PLD5: variants seen among roughly 807,000 people sequenced by gnomAD.
The protein encoded by PLD5 is phospholipase D family member 5.
In PLD5, 36 loss-of-function variants were observed where a neutral mutation model predicts 61.1. That is an observed-to-expected ratio of 0.59 (90% CI 0.45 to 0.78). The LOEUF is 0.78. PLD5 is among the 30% of genes least tolerant of loss of function. The pLI is 0.00. For missense variants in PLD5, 515 were observed against 644.4 expected, an observed-to-expected ratio of 0.80 and a Z score of 2.17; for synonymous variants, 243 against 242.8, an observed-to-expected ratio of 1.00 and a Z score of -0.01.
chr1:242,529,941 G>A, the PLD5 span, among the ~76,000 whole-genome samples: 4,115 of 151,872 alleles, frequency 0.027, 189 homozygotes, highest in African/African-American at 0.094. Context: ...CAAACTCGGC[G>A]CACCACAACC....
chr1:242,223,378 C>A (rs1369113859), intron 4 of PLD5, among the ~76,000 whole-genome samples: 1 of 152,176 alleles, frequency 6.6e-6, no homozygotes, highest in East Asian at 1.9e-4. Flanking sequence ...TCCAGTCCTG[C>A]TGCTCAGACA....
chr1:242,428,423 G>A (rs1469621421), intron 1 of PLD5, among the ~76,000 whole-genome samples: 1 of 152,154 alleles, frequency 6.6e-6, no homozygotes, highest in Non-Finnish European at 1.5e-5. Context: ...TGTTTTACTA[G>A]GTACAGAGTT....
At chr1:242,389,112 G>A (rs1662772566) in intron 1 of PLD5, among the ~76,000 whole-genome samples, 1 of 151,492 alleles carries the variant, frequency 6.6e-6, no homozygotes, top group Non-Finnish European at 1.5e-5. Flanking sequence ...TGAAATTGAT[G>A]TCGAGGTCAC....
intron 1 of PLD5, among the ~76,000 whole-genome samples, chr1:242,394,898 T>TTATATATGATA (rs1553366817): frequency 0.015 from 1,572 of 102,480 alleles, 89 homozygotes; most frequent in African/African-American, 0.059. Flanking sequence ...ATATATATGA[T>TTATATATGATA]TATATATGAA....
intron 1 of PLD5, among the ~76,000 whole-genome samples, chr1:242,448,677 G>A (rs1666651300): frequency 6.6e-6 from 1 of 152,158 alleles, no homozygotes; most frequent in Admixed American, 6.5e-5. Flanking sequence ...AACTTCCACA[G>A]TGAATTCTAA....
chr1:242,426,391 G>C (rs142893630), intron 1 of PLD5, among the ~76,000 whole-genome samples: 7 of 150,758 alleles, frequency 4.6e-5, no homozygotes, highest in Non-Finnish European at 8.8e-5. Flanking sequence ...AATACATAAA[G>C]CAGCAACATC....
chr1:242,320,042 G>A (rs1412059076), intron 2 of PLD5, among the ~76,000 whole-genome samples: 2 of 152,042 alleles, frequency 1.3e-5, no homozygotes, highest in African/African-American at 4.8e-5. Flanking sequence ...TTTTTCCTAT[G>A]ATTTTGTGTT....
At chr1:242,515,620 A>G (rs945661158) in intron 1 of PLD5, among the ~76,000 whole-genome samples, 2 of 152,220 alleles carry the variant, frequency 1.3e-5, no homozygotes, top group African/African-American at 4.8e-5. Flanking sequence ...TGCAGATGCA[A>G]TAGATATATA....
intron 1 of PLD5, among the ~76,000 whole-genome samples, chr1:242,357,642 C>A (rs570749591): frequency 6.6e-6 from 1 of 151,962 alleles, no homozygotes; most frequent in Admixed American, 6.6e-5. Flanking sequence ...CCCGCCACCA[C>A]ACCTGGCTAA....
chr1:242,381,725 T>C (rs377049652), intron 1 of PLD5, among the ~76,000 whole-genome samples: 10 of 152,276 alleles, frequency 6.6e-5, no homozygotes, highest in African/African-American at 2.2e-4. Context: ...AATTCCCCTA[T>C]ATATAATCAA....
intron 4 of PLD5, among the ~76,000 whole-genome samples, chr1:242,254,665 G>A (rs185833389): frequency 4.9e-4 from 75 of 151,952 alleles, no homozygotes; most frequent in African/African-American, 1.4e-3. Flanking sequence ...AGTGAAATTC[G>A]TCTCAAACAA....
rs111564645 is a variant in PLD5, at chr1:242,339,066, T to C, written c.326+9040A>G. Among the ~76,000 whole-genome samples the C allele has an allele frequency of 5.6e-3, 847 of 152,340 alleles. 4 individuals are homozygous for C. The highest frequency in any genetic ancestry group is 0.012 in the Admixed American group (182 of 15,298). ...CTTTACATATATAATGTATAAACTA[T>C]TGTATCTTCTCTCATAATTCTCGGT... is the stretch of plus-strand genomic sequence containing the variant. On this transcript the variant is annotated intron_variant, in intron 2 of 9. Coordinates refer to ENST00000536534, the MANE Select transcript of PLD5 (RefSeq NM_001372062.1).
At chr1:242,174,888 G>A (rs150750018) in intron 5 of PLD5, among the ~76,000 whole-genome samples, 2,394 of 152,234 alleles carry the variant, frequency 0.016, 31 homozygotes, top group Non-Finnish European at 0.025. Context: ...GTCACACACC[G>A]GGGCCGGTCA....
At chr1:242,389,197 C>T (rs1432852819) in intron 1 of PLD5, among the ~76,000 whole-genome samples, 2 of 152,036 alleles carry the variant, frequency 1.3e-5, no homozygotes, top group Non-Finnish European at 2.9e-5. Context: ...TGATTTGTAA[C>T]TCATGTCCTA....
At chr1:242,430,029 AT>A (rs1401622715) in intron 1 of PLD5, among the ~76,000 whole-genome samples, 2 of 152,132 alleles carry the variant, frequency 1.3e-5, no homozygotes, top group African/African-American at 4.8e-5. Context: ...CTGCATAGAC[AT>A]TTTTTAGTGG....
At chr1:242,151,163 G>A (rs956493745) in intron 5 of PLD5, among the ~76,000 whole-genome samples, 1 of 151,614 alleles carries the variant, frequency 6.6e-6, no homozygotes, top group Non-Finnish European at 1.5e-5. Flanking sequence ...ACAATATATT[G>A]TTATGTTTTC....
chr1:242,347,518 T>G (rs1353569065), intron 2 of PLD5, among the ~76,000 whole-genome samples: 3 of 152,178 alleles, frequency 2.0e-5, no homozygotes, highest in Non-Finnish European at 4.4e-5. Context: ...TACACTGTGA[T>G]GTCTCTGCCA....
chr1:242,193,733 G>A (rs960594650), intron 5 of PLD5, among the ~76,000 whole-genome samples: 1 of 152,218 alleles, frequency 6.6e-6, no homozygotes, highest in African/African-American at 2.4e-5. Context: ...ACATGTCCTT[G>A]GGCTGGCCAT....
At chr1:242,275,252 T>C (rs1055579725) in intron 3 of PLD5, among the ~76,000 whole-genome samples, 4 of 152,032 alleles carry the variant, frequency 2.6e-5, no homozygotes, top group African/African-American at 4.8e-5. Context: ...GGAAAGATCA[T>C]ATGATATATG....
Sources: allele counts gnomAD v4.1 joint callset (sites outside exome capture counted in the v4.1 genomes callset), GRCh38; gene constraint gnomAD v4.1.1; transcripts MANE v1.5; gene names NCBI Gene and HGNC (gene_info 2026-07-23, HGNC 2026-07-21).